The following NKIRAS1 variants were observed in gnomAD, a reference collection of about 807,000 sequenced individuals.
NKIRAS1 encodes NFKB inhibitor interacting Ras like 1.
In NKIRAS1, 16 loss-of-function variants were observed where a neutral mutation model predicts 19.8. That is an observed-to-expected ratio of 0.81 (90% CI 0.55 to 1.23). The LOEUF (loss-of-function observed/expected upper bound fraction) is 1.23. NKIRAS1 is among the 50% of genes most tolerant of loss of function. The pLI is 0.00. For synonymous variants in NKIRAS1, 88 were observed against 79.0 expected (o/e 1.11, Z -0.61); for missense variants, 184 against 220.0 (o/e 0.84, Z 1.04).
chr3:23,942,139 C>T (rs1381616797), intron 1 of NKIRAS1, among the ~76,000 whole-genome samples: 1 of 151,974 alleles, frequency 6.6e-6, no homozygotes, highest in Non-Finnish European at 1.5e-5. Flanking sequence ...CTACCACATC[C>T]GGCTAATTTT....
chr3:23,918,892 T>G (rs543462299), upstream of NKIRAS1: 210 of 518,256 alleles, frequency 4.1e-4, 2 homozygotes, highest in South Asian at 5.9e-3. Context: ...AGCTCTCAGT[T>G]GTATGGAAAA....
intron 1 of NKIRAS1, chr3:23,945,532 C>G (rs1559326787): frequency 7.4e-6 from 8 of 1,074,058 alleles, no homozygotes; most frequent in Non-Finnish European, 8.1e-6. Context: ...GCGGCGCTGC[C>G]CCCTCTGCGG....
intron 4 of NKIRAS1, among the ~76,000 whole-genome samples, chr3:23,897,436 TTCAATTTTTTAA>T (rs1469353178): frequency 7.2e-5 from 11 of 152,208 alleles, no homozygotes; most frequent in African/African-American, 2.7e-4. Flanking sequence ...ACATTACTTA[TTCAATTTTTTAA>T]AACCAAACAT....
intron 1 of NKIRAS1, among the ~76,000 whole-genome samples, chr3:23,933,281 G>A (rs990979321): frequency 8.5e-5 from 13 of 152,174 alleles, no homozygotes; most frequent in African/African-American, 2.7e-4. Flanking sequence ...CCTGCCTCAC[G>A]CCTCCAGAAT....
chr3:23,913,149 G>A (rs747202905), intron 1 of NKIRAS1, among the ~76,000 whole-genome samples: 3 of 150,894 alleles, frequency 2.0e-5, no homozygotes, highest in Non-Finnish European at 2.9e-5. Context: ...AGGATTAACA[G>A]ACAACGTTTG....
At chr3:23,903,466 G>A (rs1313820835) in intron 3 of NKIRAS1, among the ~76,000 whole-genome samples, 2 of 152,058 alleles carry the variant, frequency 1.3e-5, no homozygotes, top group East Asian at 1.9e-4. Context: ...GCAGACACCT[G>A]AAGAAAATAG....
rs530489940 is a variant in NKIRAS1, at chr3:23,890,192, G to A, written c.*2903C>T. ...TTCATTGCAGTCTGAAGCCTTGACCGTTCCAGTCTCTACTGAACTCAGCCT... is the reference window on the plus strand; with the variant it reads ...TTCATTGCAGTCTGAAGCCTTGACCATTCCAGTCTCTACTGAACTCAGCCT... On this transcript the variant is annotated 3_prime_UTR_variant, in exon 5 of 5. Transcript: ENST00000425478. 9.2e-5 allele frequency among the ~76,000 whole-genome samples: 14 copies of A among 152,250 alleles called. No homozygotes were observed. Among genetic ancestry groups the A allele is most frequent in the Admixed American group, 6.5e-4 (10 of 15,300 alleles).
chr3:23,891,606 G>C lies in NKIRAS1; in HGVS notation c.*1489C>G, dbSNP rs554950845. ...AGCAAGTACATGAGAAATGGGTTCC[G>C]TCATGGATAAATTGGTACCCTGCCT... On this transcript the variant is annotated 3_prime_UTR_variant, in exon 5 of 5. Coordinates refer to ENST00000425478, the MANE Select transcript of NKIRAS1 (RefSeq NM_020345.4). 3 of 152,188 alleles carry C rather than the reference G, an allele frequency of 2.0e-5. No homozygotes were observed. Among genetic ancestry groups the C allele is most frequent in the Non-Finnish European group, 4.4e-5 (3 of 68,036 alleles). 9.4% of individuals were successfully genotyped at this position (152,188 alleles called of 1,614,324 possible).
intron 3 of NKIRAS1, among the ~76,000 whole-genome samples, chr3:23,903,948 T>C (rs1250009330): frequency 6.6e-6 from 1 of 152,124 alleles, no homozygotes; most frequent in Non-Finnish European, 1.5e-5. Flanking sequence ...GCGGATCACC[T>C]GAGGTCAGGA....
At chr3:23,905,190 T>G (rs567628393) in intron 3 of NKIRAS1, among the ~76,000 whole-genome samples, 1 of 152,142 alleles carries the variant, frequency 6.6e-6, no homozygotes, top group African/African-American at 2.4e-5. Context: ...ATTTAATTCA[T>G]AGAAAATCCA....
chr3:23,933,647 C>T (rs1456659987), intron 1 of NKIRAS1, among the ~76,000 whole-genome samples: 4 of 152,202 alleles, frequency 2.6e-5, no homozygotes, highest in African/African-American at 7.2e-5. Context: ...TCCTACTCCC[C>T]ACTTTTTTTT....
At chr3:23,917,589 C>T (rs1704702537), upstream of NKIRAS1, 2 of 354,056 alleles carry the variant, frequency 5.6e-6, no homozygotes, top group South Asian at 1.0e-4. Context: ...CACCCGCCCC[C>T]TTGGTGCTCA....
intron 1 of NKIRAS1, among the ~76,000 whole-genome samples, chr3:23,928,744 C>T (rs933312218): frequency 6.8e-6 from 1 of 146,410 alleles, no homozygotes; most frequent in South Asian, 2.1e-4. Flanking sequence ...GTAATCCTAG[C>T]ACTTTGGGAG....
intron 4 of NKIRAS1, among the ~76,000 whole-genome samples, chr3:23,895,523 A>G (rs1002256226): frequency 6.6e-6 from 1 of 151,416 alleles, no homozygotes; most frequent in Non-Finnish European, 1.5e-5. Context: ...ATTTTTATTC[A>G]CTCCCTTGCC....
At position 23,945,265 on chromosome 3, in the gene NKIRAS1, A is replaced by G. The variant is rs1205865473; in HGVS notation, c.-140+1058T>C. The G allele has an allele frequency of 2.0e-5, 3 of 152,774 alleles. No individual in the cohort carries two copies. In the East Asian group the frequency reaches 5.8e-4, roughly 30 times the overall value. The allele number at this position is 152,774 out of a possible 1,614,324, so 9.5% of individuals were successfully genotyped here. A position where few individuals can be genotyped will look rare whatever the true frequency, so the allele number is the denominator to read the frequency against. ...GGGAGGGGGTGTGTGCGCGGGTCAC[A>G]TGGTCGCGGCTGCCCTCCCCGTCAG... On this transcript the variant is annotated intron_variant, in intron 1 of 4. Transcript: ENST00000421515.
At chr3:23,940,163 T>G (rs974137215) in intron 1 of NKIRAS1, among the ~76,000 whole-genome samples, 2 of 102,012 alleles carry the variant, frequency 2.0e-5, no homozygotes, top group Non-Finnish European at 3.7e-5. Flanking sequence ...GACTCCCATC[T>G]CTACCAAAAA....
chr3:23,935,227 C>A (rs1032403098), intron 1 of NKIRAS1, among the ~76,000 whole-genome samples: 3 of 151,378 alleles, frequency 2.0e-5, no homozygotes, highest in African/African-American at 7.3e-5. Flanking sequence ...AAAACCCTGA[C>A]AATGGCTAAA....
intron 1 of NKIRAS1, among the ~76,000 whole-genome samples, chr3:23,944,675 A>G (rs1705580734): frequency 6.6e-6 from 1 of 152,190 alleles, no homozygotes; most frequent in Non-Finnish European, 1.5e-5. Context: ...GAATCTGGAG[A>G]TTAGAAGAGA....
intron 3 of NKIRAS1, among the ~76,000 whole-genome samples, chr3:23,905,850 G>C (rs1702989160): frequency 1.3e-5 from 2 of 151,418 alleles, no homozygotes; most frequent in African/African-American, 4.8e-5. Context: ...AAGAGATCTA[G>C]GAAACAGGAA....
Sources: allele counts gnomAD v4.1 joint callset (sites outside exome capture counted in the v4.1 genomes callset), GRCh38; gene constraint gnomAD v4.1.1; transcripts MANE v1.5; gene names NCBI Gene and HGNC (gene_info 2026-07-23, HGNC 2026-07-21).